The following IL17RD variants were observed in gnomAD, a reference collection of about 807,000 sequenced individuals.
The protein encoded by IL17RD is interleukin-17 receptor D.
Under a neutral mutation model 80.5 loss-of-function variants are expected in IL17RD, and 52 were observed. The ratio of observed to expected loss-of-function variants is 0.65; its 90% CI spans 0.52 to 0.81. IL17RD has a LOEUF of 0.81. Among genes scored for constraint, IL17RD ranks in the 40% least tolerant of loss-of-function variants. IL17RD has a pLI of 0.00. For synonymous variants in IL17RD, 416 were observed against 391.8 expected (o/e 1.06, Z -0.73); for missense variants, 1,024 against 955.1 (o/e 1.07, Z -0.95).
chr3:57,120,257 G>GT lies in IL17RD; in HGVS notation c.182dup (p.Asp61GlufsTer17), dbSNP rs1285773030. ...TCAGCAATAAAGGCGGTTACTTACT[G>GT]TCATATTTGAAGGTGATGTTGTACA... is the stretch of plus-strand genomic sequence containing the variant. On this transcript the variant is annotated frameshift_variant and splice_region_variant, in exon 2 of 13. Coordinates refer to ENST00000296318, the MANE Select transcript of IL17RD (RefSeq NM_017563.5). LOFTEE classifies it high-confidence loss of function. 6.2e-7 allele frequency: 1 copy of GT among 1,610,416 alleles called. No homozygotes were observed. The highest frequency in any genetic ancestry group is 2.2e-5 in the East Asian group (1 of 44,870).
chr3:57,159,249 T>C (rs1406377003), intron 1 of IL17RD, among the ~76,000 whole-genome samples: 1 of 152,162 alleles, frequency 6.6e-6, no homozygotes, highest in Non-Finnish European at 1.5e-5. Context: ...CTTGGATTTG[T>C]TTCTTCAAGA....
rs772001367 is a variant in IL17RD at position 57,101,160 on chromosome 3, G to A, written c.1164+19C>T. 2.5e-6 allele frequency: 4 copies of A among 1,608,690 alleles called. No homozygotes were observed. The Admixed American group carries it at 5.0e-5, about 20-fold the overall frequency. On this transcript the variant is annotated intron_variant, in intron 11 of 12. Coordinates refer to ENST00000296318, the MANE Select transcript of IL17RD (RefSeq NM_017563.5). Reference sequence around the variant, plus strand: ...AAGTGTCCTGGCCAGGGTAGGAGAAGGAACTTTAGATTCCGCACCTCACAG... The same window carrying A: ...AAGTGTCCTGGCCAGGGTAGGAGAAAGAACTTTAGATTCCGCACCTCACAG...
intron 1 of IL17RD, among the ~76,000 whole-genome samples, chr3:57,163,174 G>A (rs1257202730): frequency 6.6e-6 from 1 of 152,210 alleles, no homozygotes; most frequent in Non-Finnish European, 1.5e-5. Flanking sequence ...GCCTGGATGA[G>A]CCTGGAATCT....
intron 2 of IL17RD, among the ~76,000 whole-genome samples, chr3:57,119,245 G>A (rs1466120931): frequency 5.3e-5 from 8 of 152,048 alleles, no homozygotes; most frequent in Non-Finnish European, 7.4e-5. Context: ...CCAGCTACTC[G>A]GGAGGCTGAG....
intron 5 of IL17RD, among the ~76,000 whole-genome samples, chr3:57,106,805 T>A (rs59212041): frequency 0.031 from 4,724 of 152,156 alleles, 231 homozygotes; most frequent in African/African-American, 0.11. Context: ...AGAGTCTCCA[T>A]ATAATGCCAA....
intron 1 of IL17RD, among the ~76,000 whole-genome samples, chr3:57,123,386 C>T (rs1480338679): frequency 6.6e-6 from 1 of 152,222 alleles, no homozygotes; most frequent in African/African-American, 2.4e-5. Context: ...GTCACTCCCT[C>T]TTGCACCTTC....
At chr3:57,146,808 G>GT (rs1284223952) in intron 1 of IL17RD, among the ~76,000 whole-genome samples, 2 of 145,968 alleles carry the variant, frequency 1.4e-5, no homozygotes, top group Non-Finnish European at 3.0e-5. Flanking sequence ...TCGTGTGTGT[G>GT]TGAGAGGTAT....
chr3:57,113,180 A>G (rs1707136319), intron 3 of IL17RD, among the ~76,000 whole-genome samples: 1 of 152,042 alleles, frequency 6.6e-6, no homozygotes. Flanking sequence ...CCCCAACCCG[A>G]ATCTAGCCAT....
chr3:57,167,077 G>A (rs1408288944), upstream of IL17RD, among the ~76,000 whole-genome samples: 2 of 152,246 alleles, frequency 1.3e-5, no homozygotes, highest in Non-Finnish European at 2.9e-5. Flanking sequence ...AACTTCAGGG[G>A]CTGGAAGTGT....
chr3:57,143,498 C>T (rs574828349), intron 1 of IL17RD, among the ~76,000 whole-genome samples: 1 of 152,316 alleles, frequency 6.6e-6, no homozygotes, highest in South Asian at 2.1e-4. Flanking sequence ...GGTCTACAGC[C>T]TCAGTCCCTG....
intron 1 of IL17RD, among the ~76,000 whole-genome samples, chr3:57,133,255 A>G (rs536041025): frequency 1.8e-4 from 27 of 152,370 alleles, no homozygotes; most frequent in African/African-American, 6.5e-4. Flanking sequence ...TCGGAAGGAT[A>G]TATTCAAACA....
At chr3:57,135,134 CAAAA>C (rs1248461856) in intron 1 of IL17RD, among the ~76,000 whole-genome samples, 1 of 142,794 alleles carries the variant, frequency 7.0e-6, no homozygotes, top group African/African-American at 2.8e-5. Flanking sequence ...AACAAACAAA[CAAAA>C]AACACACAAA....
At position 57,137,804 on chromosome 3, in the gene IL17RD, G is replaced by A. The variant is rs143717419; in HGVS notation, c.127-17491C>T. Among the ~76,000 whole-genome samples, 137 of 152,248 alleles carry A rather than the reference G, an allele frequency of 9.0e-4. 1 individual carries two copies. Among genetic ancestry groups the A allele is most frequent in the Non-Finnish European group, 1.6e-3 (112 of 68,026 alleles). ...TGGGAGTCTCTAATCTTCCCCTGTT[G>A]CTCTTACACACCTTGACTTTCCTGT... On this transcript the variant is annotated intron_variant, in intron 1 of 12. Coordinates refer to ENST00000296318, the MANE Select transcript of IL17RD (RefSeq NM_017563.5).
Position 57,097,709 on chromosome 3 carries a change from T to C in IL17RD, c.1994A>G (p.Tyr665Cys), listed in dbSNP as rs763744176. The C allele has an allele frequency of 5.6e-6, 9 of 1,605,386 alleles. No homozygotes were observed. Among genetic ancestry groups the C allele is most frequent in the East Asian group, 2.2e-5 (1 of 44,682 alleles). ...PSDMPRDSGI[Y>C]DSSVPSSELS... ...CTCGGATGAGGGCACAGACGAGTCA[T>C]AGATGCCTGAGTCCCGCGGCATGTC... is the stretch of plus-strand genomic sequence containing the variant. Residue 665 changes from tyrosine to cysteine, a missense_variant, in exon 12 of 13, where the codon TAT (tyrosine) becomes TGT (cysteine). By Grantham distance (194) the Tyr-to-Cys change is radical (BLOSUM62 -2). Coordinates refer to ENST00000296318, the MANE Select transcript of IL17RD (RefSeq NM_017563.5).
chr3:57,160,282 G>A (rs1243943880), intron 1 of IL17RD, among the ~76,000 whole-genome samples: 1 of 151,528 alleles, frequency 6.6e-6, no homozygotes, highest in Non-Finnish European at 1.5e-5. Flanking sequence ...CAGGGACAGA[G>A]GAAGAAAAAG....
rs1491259494 is a variant in IL17RD, at chr3:57,127,389, TAA to T, written c.127-7078_127-7077del. Among the ~76,000 whole-genome samples, 6 of 97,106 alleles carry T rather than the reference TAA, an allele frequency of 6.2e-5. 1 individual carries two copies. The highest frequency in any genetic ancestry group is 1.7e-4 in the African/African-American group (4 of 23,122). 63.7% of individuals were successfully genotyped at this position (97,106 alleles called of 152,430 possible). On this transcript the variant is annotated intron_variant, in intron 1 of 12. Transcript: ENST00000296318. ...AAATATATATATATAAATAAATAAA[TAA>T]ATAAATATATATATATATATATTTT...
At position 57,102,468 on chromosome 3, in the gene IL17RD, CAA is replaced by C. The variant is rs1259640156; in HGVS notation, c.979+9_979+10del. 1 of 1,485,958 alleles carries C rather than the reference CAA, an allele frequency of 6.7e-7. No homozygotes were observed. Among genetic ancestry groups the C allele is most frequent in the Admixed American group, 1.7e-5 (1 of 57,148 alleles). 92.0% of individuals were successfully genotyped at this position (1,485,958 alleles called of 1,614,324 possible). A position where few individuals can be genotyped will look rare whatever the true frequency, so the allele number is the denominator to read the frequency against. On this transcript the variant is annotated intron_variant, in intron 10 of 12. Coordinates refer to ENST00000296318, the MANE Select transcript of IL17RD (RefSeq NM_017563.5). ...CCTTGTTGTGGGGAGACACAGCACA[CAA>C]AGAGATACCTTGTTGCTTCTTGCGG...
chr3:57,097,939 T>C lies in IL17RD; in HGVS notation c.1764A>G (p.Leu588=), dbSNP rs1706725185. ...VLEKFDSGLV[L]NDVMCKPGPE... is the part of the protein sequence containing the mutation. ...GCCCTGGTTTGCACATGACATCATT[T>C]AAAACCAAGCCCGAATCAAATTTCT... The change falls in exon 12 of 13, where the codon TTA becomes TTG. Residue 588 remains leucine, a synonymous_variant. Transcript: ENST00000296318. 1 of 1,613,922 alleles carries C rather than the reference T, an allele frequency of 6.2e-7. No individual in the cohort carries two copies. Among genetic ancestry groups the C allele is most frequent in the Non-Finnish European group, 8.5e-7 (1 of 1,179,908 alleles).
intron 1 of IL17RD, among the ~76,000 whole-genome samples, chr3:57,151,129 T>C (rs1043938200): frequency 1.3e-5 from 2 of 152,210 alleles, no homozygotes; most frequent in African/African-American, 4.8e-5. Context: ...TTTCCTGAAA[T>C]CAGACACTTT....
Sources: gnomAD v4.1 joint callset for allele counts (sites outside exome capture counted in the v4.1 genomes callset) on GRCh38, gnomAD v4.1.1 for gene constraint, MANE v1.5 for transcripts, NCBI Gene and HGNC (gene_info 2026-07-23, HGNC 2026-07-21) for gene names.